LRRC8D: variants seen among roughly 807,000 people sequenced by gnomAD.
The protein encoded by LRRC8D is volume-regulated anion channel subunit LRRC8D.
A neutral mutation model predicts 55.8 loss-of-function variants in LRRC8D; 20 were observed. The observed-to-expected ratio is 0.36, with a 90% confidence interval of 0.25 to 0.52. LRRC8D has a LOEUF of 0.52. Among genes scored for constraint, LRRC8D ranks in the 20% least tolerant of loss-of-function variants. The pLI, the probability that LRRC8D is intolerant of heterozygous loss-of-function variation, is 0.93. For missense variants in LRRC8D, 651 were observed against 1,030.8 expected (o/e 0.63, Z 5.05); for synonymous variants, 352 against 377.0 (o/e 0.93, Z 0.77).
At chr1:89,895,687 CGTT>C (rs142485630) in intron 2 of LRRC8D, among the ~76,000 whole-genome samples, 1,880 of 152,184 alleles carry the variant, frequency 0.012, 39 homozygotes, top group African/African-American at 0.043. Context: ...GTTGATGAGA[CGTT>C]GAACTTCTGT....
At chr1:89,878,171 A>G (rs1028057563) in intron 2 of LRRC8D, among the ~76,000 whole-genome samples, 5 of 152,230 alleles carry the variant, frequency 3.3e-5, no homozygotes, top group Admixed American at 6.5e-5. Context: ...AAACAATATC[A>G]CTTAAAAACC....
At chr1:89,900,558 T>C (rs1204323682) in intron 2 of LRRC8D, among the ~76,000 whole-genome samples, 1 of 151,780 alleles carries the variant, frequency 6.6e-6, no homozygotes, top group African/African-American at 2.4e-5. Context: ...TCAGGCCAGA[T>C]GTAGTACATG....
chr1:89,848,086 T>C (rs1661324386), intron 2 of LRRC8D, among the ~76,000 whole-genome samples: 1 of 152,218 alleles, frequency 6.6e-6, no homozygotes, highest in African/African-American at 2.4e-5. Context: ...TGTTGTACAT[T>C]AAAAGGATGA....
intron 2 of LRRC8D, among the ~76,000 whole-genome samples, chr1:89,872,478 C>T (rs1282068901): frequency 6.6e-6 from 1 of 152,194 alleles, no homozygotes; most frequent in Non-Finnish European, 1.5e-5. Flanking sequence ...TGTTATAGAA[C>T]AGGCAAGACA....
intron 2 of LRRC8D, among the ~76,000 whole-genome samples, chr1:89,868,137 G>A (rs909693848): frequency 2.0e-5 from 3 of 152,144 alleles, no homozygotes; most frequent in African/African-American, 7.2e-5. Flanking sequence ...GCACAATCAA[G>A]CCAAAGAATG....
chr1:89,910,917 T>C (rs2100940511), intron 2 of LRRC8D, among the ~76,000 whole-genome samples: 1 of 152,208 alleles, frequency 6.6e-6, no homozygotes, highest in East Asian at 1.9e-4. Flanking sequence ...AGTGCACAGC[T>C]CCTCCCCTCT....
chr1:89,846,481 C>G (rs1211516559), intron 2 of LRRC8D: 1 of 152,134 alleles, frequency 6.6e-6, no homozygotes, highest in Non-Finnish European at 1.5e-5. Flanking sequence ...GGGACCTGAA[C>G]AAGGTCTTCT....
chr1:89,928,506 C>A (rs533737354), intron 2 of LRRC8D, among the ~76,000 whole-genome samples: 3 of 152,240 alleles, frequency 2.0e-5, no homozygotes, highest in Non-Finnish European at 4.4e-5. Flanking sequence ...GGGCACAAAA[C>A]TTCTGGTGGG....
intron 2 of LRRC8D, among the ~76,000 whole-genome samples, chr1:89,895,469 TG>T (rs1303409992): frequency 6.6e-6 from 1 of 150,750 alleles, no homozygotes; most frequent in Non-Finnish European, 1.5e-5. Context: ...AAACACTGTG[TG>T]TAAATATATG....
At chr1:89,922,409 A>G (rs1037481770) in intron 2 of LRRC8D, among the ~76,000 whole-genome samples, 1 of 152,234 alleles carries the variant, frequency 6.6e-6, no homozygotes, top group Admixed American at 6.5e-5. Flanking sequence ...ATAAAATTAA[A>G]TGCCACATAT....
intron 1 of LRRC8D, among the ~76,000 whole-genome samples, chr1:89,841,454 C>T (rs1028832115): frequency 4.9e-5 from 7 of 141,596 alleles, no homozygotes; most frequent in African/African-American, 1.5e-4. Context: ...CATTTGGTTG[C>T]GTCAGGAGCC....
chr1:89,860,785 A>AAAAAATATATAT, intron 2 of LRRC8D, among the ~76,000 whole-genome samples: 8 of 28,196 alleles, frequency 2.8e-4, no homozygotes, highest in Admixed American at 6.8e-4. Flanking sequence ...AAAAAAAAAA[A>AAAAAATATATAT]ATATATATAT....
intron 2 of LRRC8D, among the ~76,000 whole-genome samples, chr1:89,849,775 A>G (rs1407371666): frequency 6.6e-6 from 1 of 152,134 alleles, no homozygotes; most frequent in East Asian, 1.9e-4. Flanking sequence ...TGTATTCTAG[A>G]AATTAATTCC....
At chr1:89,883,038 G>A (rs191564784) in intron 2 of LRRC8D, among the ~76,000 whole-genome samples, 66 of 152,234 alleles carry the variant, frequency 4.3e-4, no homozygotes, top group African/African-American at 1.4e-3. Context: ...TTTTAAAGAG[G>A]AATTCCAGAG....
chr1:89,923,275 A>G (rs1007115430), intron 2 of LRRC8D, among the ~76,000 whole-genome samples: 2 of 152,236 alleles, frequency 1.3e-5, no homozygotes, highest in Non-Finnish European at 2.9e-5. Flanking sequence ...TAGATGTACT[A>G]TAAAAGAGAA....
intron 1 of LRRC8D, among the ~76,000 whole-genome samples, chr1:89,821,596 C>T (rs1490112161): frequency 2.0e-5 from 3 of 152,166 alleles, no homozygotes; most frequent in Admixed American, 6.5e-5. Flanking sequence ...GGCTCCTGAA[C>T]CCCTCGCGCG....
At position 89,857,916 on chromosome 1, in the gene LRRC8D, G is replaced by A. The variant is rs74098613; in HGVS notation, c.-3+14134G>A. ...TCAAAAAATAATGAGTAGGATTAGA[G>A]CACTTGAAAACCACTTTAAGGTATA... On this transcript the variant is annotated intron_variant, in intron 2 of 2. Transcript: ENST00000337338. Among the ~76,000 whole-genome samples the A allele has an allele frequency of 4.3e-4, 65 of 152,336 alleles. 1 individual carries two copies. The highest frequency in any genetic ancestry group is 1.5e-3 in the African/African-American group (64 of 41,574).
At chr1:89,880,683 T>G (rs1662260680) in intron 2 of LRRC8D, among the ~76,000 whole-genome samples, 1 of 152,048 alleles carries the variant, frequency 6.6e-6, no homozygotes, top group South Asian at 2.1e-4. Flanking sequence ...TAGATACCCT[T>G]ATATATATTT....
chr1:89,876,762 T>TG (rs1557463276), intron 2 of LRRC8D, among the ~76,000 whole-genome samples: 1 of 152,212 alleles, frequency 6.6e-6, no homozygotes, highest in Non-Finnish European at 1.5e-5. Context: ...ACTACACTGA[T>TG]AGAGTCGAGT....
Sources: gnomAD v4.1 joint callset for allele counts (sites outside exome capture counted in the v4.1 genomes callset) on GRCh38, gnomAD v4.1.1 for gene constraint, MANE v1.5 for transcripts, NCBI Gene and HGNC (gene_info 2026-07-23, HGNC 2026-07-21) for gene names.